BAIAP3: variants seen among roughly 807,000 people sequenced by gnomAD.
The protein encoded by BAIAP3 is BAI1-associated protein 3.
Under a neutral mutation model 149.7 loss-of-function variants are expected in BAIAP3, and 180 were observed. The observed-to-expected ratio is 1.20, with a 90% confidence interval of 1.07 to 1.36. The LOEUF is 1.36. Among genes scored for constraint, BAIAP3 ranks in the 40% most tolerant of loss-of-function variants. BAIAP3 has a pLI of 0.00. For synonymous variants in BAIAP3, 845 were observed against 670.7 expected, an observed-to-expected ratio of 1.26 and a Z score of -4.02; for missense variants, 1,767 against 1,563.4, an observed-to-expected ratio of 1.13 and a Z score of -2.20.
intron 1 of BAIAP3, among the ~76,000 whole-genome samples, chr16:1,334,092 G>T (rs2033301104): frequency 6.6e-6 from 1 of 151,672 alleles, no homozygotes; most frequent in East Asian, 2.0e-4. Context: ...GCGAGGCTTC[G>T]ACCCCCGCGC....
chr16:1,336,321 C>T lies in BAIAP3; in HGVS notation c.-10-2219C>T, dbSNP rs1020591358. The T allele has an allele frequency of 5.1e-6, 5 of 985,224 alleles. No individual in the cohort carries two copies. The South Asian group carries it at 2.4e-4, about 46-fold the overall frequency. 61.0% of individuals were successfully genotyped at this position (985,224 alleles called of 1,614,324 possible). A position where few individuals can be genotyped will look rare whatever the true frequency, so the allele number is the denominator to read the frequency against. ...CTGTGGGGGTGACAGCTTCCAGAAG[C>T]ACTGTACCCAGCCTACCAAGCCCCC... On this transcript the variant is annotated intron_variant, in intron 1 of 33. Transcript: ENST00000426824.
intron 28 of BAIAP3, 30 bp downstream of exon 28, chr16:1,346,985 C>T (rs371649130): frequency 2.5e-5 from 39 of 1,558,648 alleles, no homozygotes; most frequent in South Asian, 5.8e-5. Context: ...TCCTCCCCGC[C>T]GGCCCCCGCC....
At chr16:1,334,979 C>T (rs926204528) in intron 1 of BAIAP3, among the ~76,000 whole-genome samples, 1 of 152,212 alleles carries the variant, frequency 6.6e-6, no homozygotes, top group African/African-American at 2.4e-5. Context: ...GCGCCCCCAA[C>T]ACGTTGAAGG....
At chr16:1,346,134 C>A in intron 24 of BAIAP3, 36 bp from the exon 25 acceptor site, 1 of 1,607,508 alleles carries the variant, frequency 6.2e-7, no homozygotes, top group Non-Finnish European at 8.5e-7. Context: ...ATCACCAGGC[C>A]CCGGACCCAT....
At chr16:1,340,022 GCACACAGACACACGCA>G (rs1434052070) in intron 5 of BAIAP3, among the ~76,000 whole-genome samples, 25 of 131,724 alleles carry the variant, frequency 1.9e-4, no homozygotes, top group Non-Finnish European at 3.2e-4. Context: ...GGCTGCAGGT[GCACACAGACACACGCA>G]CACAGGCTGT....
At chr16:1,341,695 G>T in intron 8 of BAIAP3, 127 bp from the exon 9 acceptor site, 1 of 1,218,290 alleles carries the variant, frequency 8.2e-7, no homozygotes, top group Non-Finnish European at 1.2e-6. Flanking sequence ...ATCAGGATTT[G>T]GACCTGAACA....
Position 1,349,344 on chromosome 16 carries a change from C to A in BAIAP3, c.*862C>A. The A allele has an allele frequency of 6.9e-7, 1 of 1,439,512 alleles. No individual in the cohort carries two copies. The highest frequency in any genetic ancestry group is 9.8e-7 in the Non-Finnish European group (1 of 1,022,764). 89.2% of individuals were successfully genotyped at this position (1,439,512 alleles called of 1,614,324 possible). A position where few individuals can be genotyped will look rare whatever the true frequency, so the allele number is the denominator to read the frequency against. On this transcript the variant is annotated 3_prime_UTR_variant, in exon 34 of 34. Transcript: ENST00000426824. Reference sequence around the variant, plus strand: ...CGGACAGCTCAGTCCTGCCAGCAGCCGCAAAGAGCCGAGGCTGCCAGGCCC... The same window carrying A: ...CGGACAGCTCAGTCCTGCCAGCAGCAGCAAAGAGCCGAGGCTGCCAGGCCC...
chr16:1,339,083 C>T, intron 3 of BAIAP3, 81 bp from the exon 4 acceptor site: 1 of 1,595,518 alleles, frequency 6.3e-7, no homozygotes, highest in Non-Finnish European at 8.5e-7. Context: ...CTCCCACCTC[C>T]TGGGGCACCA....
In BAIAP3 at chr16:1,339,618, A is replaced by G. The variant is rs2141574689; in HGVS notation, c.408+15A>G. The G allele has an allele frequency of 1.3e-6, 2 of 1,596,678 alleles. No homozygotes were observed. The highest frequency in any genetic ancestry group is 1.7e-6 in the Non-Finnish European group (2 of 1,169,814). On this transcript the variant is annotated intron_variant, in intron 5 of 33. Coordinates refer to ENST00000426824, the MANE Select transcript of BAIAP3 (RefSeq NM_001199097.2). ...ATCTCCAGCAGGTCAGCCCACCCTGACCCCGACCCAGACCCTGACAGCTTC... is the reference window on the plus strand; with the variant it reads ...ATCTCCAGCAGGTCAGCCCACCCTGGCCCCGACCCAGACCCTGACAGCTTC...
chr16:1,347,548 C>A lies in BAIAP3; in HGVS notation c.2827C>A (p.Leu943Met). 1 of 1,606,826 alleles carries A rather than the reference C, an allele frequency of 6.2e-7. No individual in the cohort carries two copies. The highest frequency in any genetic ancestry group is 8.5e-7 in the Non-Finnish European group (1 of 1,177,324). Residue 943 changes from leucine (L) to methionine (M), a missense_variant, in exon 30 of 34, where the codon CTG becomes ATG. Coordinates refer to ENST00000426824, the MANE Select transcript of BAIAP3 (RefSeq NM_001199097.2). The part of the protein sequence containing the change: ...ESLRDGSYKR[L>M]KEELRLHKCS... ...CCTGATGCGCTTCCCCCTGCAGAGG[C>A]TGAAGGAGGAGCTGCGGCTGCACAA...
intron 22 of BAIAP3, 58 bp from the exon 23 acceptor site, chr16:1,345,674 ACAACCCCCGCCTCCC>A: frequency 5.1e-5 from 4 of 77,954 alleles, no homozygotes; most frequent in Non-Finnish European, 9.5e-5. Context: ...AGCCTCCCCC[ACAACCCCCGCCTCCC>A]CCACCTCCCC....
At position 1,344,128 on chromosome 16, in the gene BAIAP3, G is replaced by A. The variant is rs137867969; in HGVS notation, c.1493G>A (p.Arg498His). The A allele has an allele frequency of 2.7e-5, 43 of 1,611,792 alleles. No individual in the cohort carries two copies. In the African/African-American group the frequency reaches 4.7e-4, roughly 17 times the overall value. Residue 498 changes from arginine (R) to histidine (H), a missense_variant, in exon 16 of 34, where the codon CGC (arginine) becomes CAC (histidine). By Grantham distance (29) the Arg-to-His change is conservative (BLOSUM62 0). Transcript: ENST00000426824. The stretch of plus-strand genomic sequence containing the variant: ...GCCACCAACAGCACCGCTGTCCACC[G>A]CCTGGAGCTGCTGCTGAAGTGGGTG... ...FPATNSTAVH[R>H]LELLLKCLGK...
intron 27 of BAIAP3, 69 bp downstream of exon 27, chr16:1,346,753 G>A: frequency 6.6e-7 from 1 of 1,524,920 alleles, no homozygotes; most frequent in Non-Finnish European, 8.8e-7. Context: ...CAGGGTGCCG[G>A]AGGCCCTGTG....
At chr16:1,338,218 G>GC (rs923971676) in intron 1 of BAIAP3, among the ~76,000 whole-genome samples, 11 of 152,214 alleles carry the variant, frequency 7.2e-5, no homozygotes, top group African/African-American at 2.4e-4. Context: ...TGTGGCAACC[G>GC]CCTCCCTCGC....
Position 1,344,995 on chromosome 16 carries a change from G to A in BAIAP3, c.1836G>A (p.Thr612=), listed in dbSNP as rs114063179. The part of the protein sequence containing the change: ...RLVAEEAWVL[T]EELSPKMTLE... ...TGGCTGAGGAGGCGTGGGTGCTGAC[G>A]GAGGAGCTGAGCCCCAAGATGACCC... The change falls in exon 21 of 34, where the codon ACG becomes ACA. Residue 612 remains threonine, a synonymous_variant. Coordinates refer to ENST00000426824, the MANE Select transcript of BAIAP3 (RefSeq NM_001199097.2). The A allele has an allele frequency of 3.5e-4, 566 of 1,612,832 alleles. 2 individuals are homozygous for A. The African/African-American group carries it at 6.2e-3, about 18-fold the overall frequency.
Position 1,344,587 on chromosome 16 carries a change from A to G in BAIAP3, c.1660-14A>G. On this transcript the variant is annotated splice_polypyrimidine_tract_variant and intron_variant, in intron 18 of 33. Transcript: ENST00000426824. ...GGCAGCCGAGAGGTGGGTACGAGCT[A>G]GGCTTCCTTGCAGCCAGGACCACAG... 1 of 1,612,678 alleles carries G rather than the reference A, an allele frequency of 6.2e-7. No homozygotes were observed. Among genetic ancestry groups the G allele is most frequent in the Non-Finnish European group, 8.5e-7 (1 of 1,179,962 alleles).
At chr16:1,341,554 C>A (rs750267265) in intron 8 of BAIAP3, 65 bp downstream of exon 8, 67 of 1,538,466 alleles carry the variant, frequency 4.4e-5, no homozygotes, top group Non-Finnish European at 4.6e-5. Context: ...CTGGGCTGTG[C>A]CTGGAGGGTG....
rs186924493 is a variant in BAIAP3, at chr16:1,346,416, G to A, written c.2494-26G>A. ...AGGCAGTCCCTGGTGCCCCCTGCCCGTGCTGAGCACTGCTCCTGCCCTCAG... is the reference window on the plus strand; with the variant it reads ...AGGCAGTCCCTGGTGCCCCCTGCCCATGCTGAGCACTGCTCCTGCCCTCAG... On this transcript the variant is annotated intron_variant, in intron 25 of 33. Coordinates refer to ENST00000426824, the MANE Select transcript of BAIAP3 (RefSeq NM_001199097.2). The A allele has an allele frequency of 1.6e-3, 2,581 of 1,612,064 alleles. 66 individuals carry two copies. In the Admixed American group the frequency reaches 0.039, roughly 24 times the overall value.
At position 1,342,750 on chromosome 16, in the gene BAIAP3, C is replaced by G. The variant is rs747854838; in HGVS notation, c.1097C>G (p.Ser366Cys). The change falls in exon 13 of 34, where the codon TCC becomes TGC. Residue 366 changes from serine (S) to cysteine (C), a missense_variant. Transcript: ENST00000426824. ...ACGGCCATGAGCCAGCGCGGGCGAT[C>G]CGGCTTCCTGTCCCACCTGCTGCTG... ...RDTAMSQRGR[S>C]GFLSHLLLLS... is the part of the protein sequence containing the mutation. The G allele has an allele frequency of 6.2e-7, 1 of 1,612,522 alleles. No individual in the cohort carries two copies. The highest frequency in any genetic ancestry group is 8.5e-7 in the Non-Finnish European group (1 of 1,180,010).
Sources: allele counts gnomAD v4.1 joint callset (sites outside exome capture counted in the v4.1 genomes callset), GRCh38; gene constraint gnomAD v4.1.1; transcripts MANE v1.5; gene names NCBI Gene and HGNC (gene_info 2026-07-23, HGNC 2026-07-21).